The following ROBO2 variants were observed in gnomAD, a reference collection of about 807,000 sequenced individuals.
ROBO2 encodes the protein roundabout homolog 2.
ROBO2 carries 53 observed loss-of-function variants against 160.8 expected under a neutral mutation model. The ratio of observed to expected loss-of-function variants is 0.33; its 90% confidence interval spans 0.26 to 0.41. The LOEUF (loss-of-function observed/expected upper bound fraction) is 0.41, where lower values mean the gene tolerates loss of function less well. Ranked by LOEUF, ROBO2 falls within the 10% of genes least tolerant of loss-of-function variation. The pLI is 1.00. For missense variants in ROBO2, 1,577 were observed against 1,722.4 expected, an observed-to-expected ratio of 0.92 and a Z score of 1.49; for synonymous variants, 664 against 611.7, an observed-to-expected ratio of 1.09 and a Z score of -1.26.
chr3:76,182,009 G>A (rs1210187382), intron 2 of ROBO2, among the ~76,000 whole-genome samples: 1 of 152,110 alleles, frequency 6.6e-6, no homozygotes, highest in Non-Finnish European at 1.5e-5. Context: ...AGAAAGATTA[G>A]GAATGAGTTT....
intron 2 of ROBO2, among the ~76,000 whole-genome samples, chr3:77,099,058 C>G (rs2071519595): frequency 7.5e-6 from 1 of 133,542 alleles, no homozygotes; most frequent in East Asian, 2.6e-4. Context: ...CAAAATTGTA[C>G]TTTTCTTTCT....
chr3:76,838,467 AAAC>A (rs1393311711), intron 2 of ROBO2, among the ~76,000 whole-genome samples: 3 of 152,102 alleles, frequency 2.0e-5, no homozygotes, highest in Non-Finnish European at 2.9e-5. Flanking sequence ...TTCAAATTAC[AAAC>A]AAGTCTCGCA....
chr3:77,486,597 AC>A (rs2085384251), intron 4 of ROBO2, among the ~76,000 whole-genome samples: 1 of 152,126 alleles, frequency 6.6e-6, no homozygotes, highest in Non-Finnish European at 1.5e-5. Context: ...CTCTTTGCCC[AC>A]TTTTTAATGG....
intron 2 of ROBO2, among the ~76,000 whole-genome samples, chr3:77,309,089 T>G (rs1368846649): frequency 6.6e-6 from 1 of 152,020 alleles, no homozygotes; most frequent in Non-Finnish European, 1.5e-5. Flanking sequence ...TGCTTTATTT[T>G]GTTTTGTTTT....
At chr3:76,426,025 G>A (rs1197762191) in intron 2 of ROBO2, among the ~76,000 whole-genome samples, 2 of 152,138 alleles carry the variant, frequency 1.3e-5, no homozygotes, top group Non-Finnish European at 2.9e-5. Context: ...AAAGGATGAA[G>A]GTGAAAGGCA....
At chr3:76,203,384 A>G (rs1702634199) in intron 2 of ROBO2, among the ~76,000 whole-genome samples, 1 of 152,144 alleles carries the variant, frequency 6.6e-6, no homozygotes. Flanking sequence ...TCAGGGTTCT[A>G]GTAACCTGAG....
chr3:76,973,628 A>G (rs969155060), intron 2 of ROBO2, among the ~76,000 whole-genome samples: 10 of 152,176 alleles, frequency 6.6e-5, no homozygotes, highest in African/African-American at 2.4e-4. Context: ...CAGATAATTA[A>G]CACCTTATCT....
intron 2 of ROBO2, among the ~76,000 whole-genome samples, chr3:76,034,742 G>T (rs1488713902): frequency 2.0e-5 from 3 of 152,024 alleles, no homozygotes; most frequent in Non-Finnish European, 4.4e-5. Context: ...TCTTCCAGTG[G>T]CTGGTAGAAA....
At chr3:76,830,078 A>T (rs1395021643) in intron 2 of ROBO2, among the ~76,000 whole-genome samples, 1 of 152,140 alleles carries the variant, frequency 6.6e-6, no homozygotes, top group African/African-American at 2.4e-5. Context: ...AGGAACTCTA[A>T]CAGATAATCT....
intron 2 of ROBO2, among the ~76,000 whole-genome samples, chr3:77,365,663 T>G (rs2070753324): frequency 6.6e-6 from 1 of 152,158 alleles, no homozygotes; most frequent in South Asian, 2.1e-4. Context: ...TAGAAAGGTA[T>G]TTCAGATTTC....
chr3:77,009,737 G>C (rs997212681), intron 2 of ROBO2, among the ~76,000 whole-genome samples: 5 of 151,952 alleles, frequency 3.3e-5, no homozygotes, highest in African/African-American at 1.2e-4. Flanking sequence ...CCTGAGGTCA[G>C]GAGTTCAGGA....
Position 77,518,838 on chromosome 3 carries a change from G to A in ROBO2, c.807-3937G>A, listed in dbSNP as rs193035116. Among the ~76,000 whole-genome samples the A allele has an allele frequency of 3.5e-3, 523 of 151,536 alleles. 6 individuals carry two copies. The highest frequency in any genetic ancestry group is 0.012 in the African/African-American group (502 of 41,440). ...GCTGGGCACTGTTATAGGCTAGACC[G>A]TTAAAAATTATTACCCAAAACTTCT... On this transcript the variant is annotated intron_variant, in intron 5 of 25. Coordinates refer to ENST00000461745, the Ensembl canonical transcript of ROBO2.
intron 2 of ROBO2, among the ~76,000 whole-genome samples, chr3:76,770,764 G>C (rs72894228): frequency 0.019 from 2,941 of 151,360 alleles, 92 homozygotes; most frequent in African/African-American, 0.066. Context: ...AACCAAAGAA[G>C]ATGAAAAATG....
chr3:76,640,496 A>C (rs2090601793), intron 2 of ROBO2, among the ~76,000 whole-genome samples: 2 of 152,050 alleles, frequency 1.3e-5, no homozygotes, highest in South Asian at 4.1e-4. Flanking sequence ...GGGCCTTGAC[A>C]CTCCATCCAG....
At chr3:77,413,387 T>C (rs2076958163) in intron 2 of ROBO2, among the ~76,000 whole-genome samples, 2 of 152,106 alleles carry the variant, frequency 1.3e-5, no homozygotes, top group South Asian at 4.2e-4. Flanking sequence ...ATCCTGCAAA[T>C]TTGAATGAGG....
chr3:76,930,180 C>A (rs1057274262), intron 2 of ROBO2, among the ~76,000 whole-genome samples: 5 of 151,980 alleles, frequency 3.3e-5, no homozygotes, highest in African/African-American at 1.2e-4. Flanking sequence ...CGTGCCCCCA[C>A]GCAGGACTAA....
Position 76,535,772 on chromosome 3 carries a change from C to T in ROBO2, c.110-562242C>T, listed in dbSNP as rs564619900. On this transcript the variant is annotated intron_variant, in intron 2 of 26. Transcript: ENST00000487694. ...AGTTATGGGGGCAATGGAAACAGGC[C>T]CTTGAAAGAAGGTAATGTGGAGTGG... is the stretch of plus-strand genomic sequence containing the variant. Among the ~76,000 whole-genome samples the T allele has an allele frequency of 2.0e-5, 3 of 152,092 alleles. No homozygotes were observed. In the South Asian group the frequency reaches 6.2e-4, roughly 32 times the overall value.
intron 2 of ROBO2, among the ~76,000 whole-genome samples, chr3:77,270,429 C>T (rs1356781308): frequency 6.6e-6 from 1 of 152,108 alleles, no homozygotes; most frequent in Non-Finnish European, 1.5e-5. Context: ...TGAGTTATCA[C>T]TGAACATATT....
intron 2 of ROBO2, among the ~76,000 whole-genome samples, chr3:76,053,480 A>T (rs1006621977): frequency 6.6e-6 from 1 of 152,070 alleles, no homozygotes; most frequent in African/African-American, 2.4e-5. Context: ...AAGATTTGTT[A>T]CAACTGTGGT....
Sources: allele counts gnomAD v4.1 joint callset (sites outside exome capture counted in the v4.1 genomes callset), GRCh38; gene constraint gnomAD v4.1.1; transcripts MANE v1.5; gene names NCBI Gene and HGNC (gene_info 2026-07-23, HGNC 2026-07-21).